PRMT3: variants seen among roughly 807,000 people sequenced by gnomAD.
The protein encoded by PRMT3 is protein arginine methyltransferase 3.
A neutral mutation model predicts 71.9 loss-of-function variants in PRMT3; 62 were observed. The ratio of observed to expected loss-of-function variants is 0.86; its 90% CI spans 0.70 to 1.07. The LOEUF is 1.07. Among genes scored for constraint, PRMT3 ranks in the 50% least tolerant of loss-of-function variants. The pLI, the probability that PRMT3 is intolerant of heterozygous loss-of-function variation, is 0.00. For synonymous variants in PRMT3, 213 were observed against 220.4 expected, an observed-to-expected ratio of 0.97 and a Z score of 0.30; for missense variants, 663 against 643.0, an observed-to-expected ratio of 1.03 and a Z score of -0.34.
intron 3 of PRMT3, among the ~76,000 whole-genome samples, chr11:20,391,652 T>C (rs7931799): frequency 0.97 from 148,133 of 152,240 alleles, 72,399 homozygotes; most frequent in Middle Eastern, 1. Context: ...ACTATTAAAG[T>C]TTTCTCATAA....
At chr11:20,470,013 G>A (rs531724144) in intron 13 of PRMT3, among the ~76,000 whole-genome samples, 1 of 152,218 alleles carries the variant, frequency 6.6e-6, no homozygotes, top group Non-Finnish European at 1.5e-5. Flanking sequence ...ATGTGAAGAA[G>A]TGTATTGTTA....
At chr11:20,495,269 G>A (rs1339905314) in intron 15 of PRMT3, among the ~76,000 whole-genome samples, 1 of 152,104 alleles carries the variant, frequency 6.6e-6, no homozygotes, top group African/African-American at 2.4e-5. Context: ...GCCCATCTCG[G>A]CCTTCCAAAG....
chr11:20,403,149 T>C (rs1848987072), intron 8 of PRMT3, among the ~76,000 whole-genome samples, 165 bp downstream of exon 8: 1 of 152,238 alleles, frequency 6.6e-6, no homozygotes, highest in Non-Finnish European at 1.5e-5. Flanking sequence ...CAATAACAAA[T>C]GCTGATTGCT....
chr11:20,393,467 T>G (rs1384165820), intron 5 of PRMT3, among the ~76,000 whole-genome samples: 2 of 152,320 alleles, frequency 1.3e-5, no homozygotes, highest in African/African-American at 4.8e-5. Context: ...TTCATGTATT[T>G]TGGAGCTCTT....
intron 9 of PRMT3, among the ~76,000 whole-genome samples, chr11:20,421,279 C>T (rs1849419772): frequency 1.3e-5 from 2 of 152,172 alleles, no homozygotes; most frequent in Admixed American, 1.3e-4. Flanking sequence ...CTCAAGCAAT[C>T]CTCCCGTCTT....
chr11:20,442,732 T>C (rs1370600563), intron 10 of PRMT3, among the ~76,000 whole-genome samples: 2 of 152,258 alleles, frequency 1.3e-5, no homozygotes, highest in African/African-American at 4.8e-5. Context: ...ATTTCAAATA[T>C]AAGGTTTTTA....
At chr11:20,410,212 G>C (rs1171942828) in intron 9 of PRMT3, among the ~76,000 whole-genome samples, 1 of 152,048 alleles carries the variant, frequency 6.6e-6, no homozygotes, top group African/African-American at 2.4e-5. Context: ...GGGTGTTCAT[G>C]TCCAAGCTTC....
intron 7 of PRMT3, among the ~76,000 whole-genome samples, chr11:20,399,179 C>T (rs1488016203): frequency 6.6e-6 from 1 of 152,114 alleles, no homozygotes; most frequent in Non-Finnish European, 1.5e-5. Flanking sequence ...CAAAATATCC[C>T]TTTCTAAATC....
At chr11:20,502,544 A>G (rs1851482541) in intron 15 of PRMT3, among the ~76,000 whole-genome samples, 2 of 152,188 alleles carry the variant, frequency 1.3e-5, no homozygotes, top group African/African-American at 2.4e-5. Context: ...TTTGTGAAAA[A>G]TTAACAAATA....
chr11:20,402,326 T>G (rs1459983397), intron 7 of PRMT3, among the ~76,000 whole-genome samples: 1 of 151,932 alleles, frequency 6.6e-6, no homozygotes, highest in Non-Finnish European at 1.5e-5. Flanking sequence ...TCCATGTTGG[T>G]CAGGCTGGTC....
At chr11:20,423,872 T>G (rs1849479472) in intron 9 of PRMT3, among the ~76,000 whole-genome samples, 1 of 77,666 alleles carries the variant, frequency 1.3e-5, no homozygotes, top group East Asian at 3.4e-4. Context: ...AGATTCTCTC[T>G]TAAAAAAAAA....
At chr11:20,446,855 G>A (rs754836415) in intron 10 of PRMT3, among the ~76,000 whole-genome samples, 4 of 152,082 alleles carry the variant, frequency 2.6e-5, no homozygotes, top group Non-Finnish European at 5.9e-5. Flanking sequence ...ATCATCAGCC[G>A]CCTGTATTTT....
chr11:20,407,355 T>C (rs1252201554), intron 8 of PRMT3: 1 of 152,382 alleles, frequency 6.6e-6, no homozygotes, highest in South Asian at 2.1e-4. Flanking sequence ...ATAACTGTAC[T>C]GGATACATAT....
At chr11:20,450,293 C>T (rs573545506) in intron 10 of PRMT3, among the ~76,000 whole-genome samples, 130 of 152,258 alleles carry the variant, frequency 8.5e-4, no homozygotes, top group African/African-American at 3.0e-3. Flanking sequence ...ACCAGCCAAT[C>T]TTTTCTTCGT....
intron 13 of PRMT3, among the ~76,000 whole-genome samples, chr11:20,468,493 C>G (rs558109052): frequency 4.6e-5 from 7 of 152,108 alleles, no homozygotes; most frequent in Non-Finnish European, 1.0e-4. Flanking sequence ...CTCAGCCTCC[C>G]TAGTAGCTGG....
intron 13 of PRMT3, among the ~76,000 whole-genome samples, chr11:20,473,076 G>A (rs1850689403): frequency 6.6e-6 from 1 of 152,026 alleles, no homozygotes; most frequent in Admixed American, 6.5e-5. Flanking sequence ...TTTCTGTGGA[G>A]ACCACGGTAA....
At chr11:20,398,721 G>A (rs1848886170) in intron 7 of PRMT3, among the ~76,000 whole-genome samples, 1 of 152,190 alleles carries the variant, frequency 6.6e-6, no homozygotes, top group Non-Finnish European at 1.5e-5. Context: ...ATACCACTGT[G>A]TTACAGTTGC....
Position 20,395,798 on chromosome 11 carries a change from TTTAGA to T in PRMT3, c.401-3_402del. On this transcript the variant is annotated splice_acceptor_variant and splice_polypyrimidine_tract_variant and coding_sequence_variant and intron_variant, in exon 6 of 16. Coordinates refer to ENST00000331079, the MANE Select transcript of PRMT3 (RefSeq NM_005788.4). LOFTEE classifies it high-confidence loss of function. ...CCTGATAATAATGTCCATTTATTTC[TTTAGA>T]TGTAGAAGATCTTTATGAACCGGTG... 6.2e-7 allele frequency: 1 copy of T among 1,608,002 alleles called. No individual in the cohort carries two copies. The highest frequency in any genetic ancestry group is 2.2e-5 in the East Asian group (1 of 44,826).
intron 9 of PRMT3, among the ~76,000 whole-genome samples, chr11:20,422,560 A>G (rs7127579): frequency 0.83 from 125,851 of 152,110 alleles, 53,782 homozygotes; most frequent in Non-Finnish European, 0.95. Context: ...TCTGCGTACT[A>G]TTCCCTATCA....
Sources: gnomAD v4.1 joint callset for allele counts (sites outside exome capture counted in the v4.1 genomes callset) on GRCh38, gnomAD v4.1.1 for gene constraint, MANE v1.5 for transcripts, NCBI Gene and HGNC (gene_info 2026-07-23, HGNC 2026-07-21) for gene names.